The following CUX2 variants were observed in gnomAD, a reference collection of about 807,000 sequenced individuals.
The protein encoded by CUX2 is homeobox protein cut-like 2.
Under a neutral mutation model 144.8 loss-of-function variants are expected in CUX2, and 40 were observed. That is an observed-to-expected ratio of 0.28 (90% CI 0.21 to 0.36). CUX2 has a LOEUF of 0.36. Ranked by LOEUF, CUX2 falls within the 10% of genes least tolerant of loss-of-function variation. The probability of loss-of-function intolerance (pLI) is 1.00; values close to 1 mark genes in which losing one functional copy is unlikely to be tolerated. For missense variants in CUX2, 1,615 were observed against 1,994.0 expected (o/e 0.81, Z 3.62); for synonymous variants, 827 against 875.6 (o/e 0.94, Z 0.98).
intron 3 of CUX2, among the ~76,000 whole-genome samples, chr12:111,260,696 G>A (rs1884073536): frequency 1.3e-5 from 2 of 152,192 alleles, no homozygotes; most frequent in African/African-American, 4.8e-5. Context: ...CCCACTGGAA[G>A]AGATAAATCA....
At chr12:111,163,304 A>G (rs1387514329) in intron 1 of CUX2, among the ~76,000 whole-genome samples, 1 of 152,248 alleles carries the variant, frequency 6.6e-6, no homozygotes, top group African/African-American at 2.4e-5. Context: ...ATGGCCAGAC[A>G]GTAAATATTT....
In CUX2 at chr12:111,061,832, C is replaced by G. The variant is rs959544216; in HGVS notation, c.63+27592C>G. On this transcript the variant is annotated intron_variant, in intron 1 of 21. Transcript: ENST00000261726. The surrounding 1 kb of genome is among the most constrained non-coding windows in gnomAD (Gnocchi z 4.2). ...TTTATGTACTTGGCCTTGTTCTCAG[C>G]AGGCAGGGATGTGGGGGGCGCCTCG... 7.9e-5 allele frequency among the ~76,000 whole-genome samples: 12 copies of G among 152,172 alleles called. No homozygotes were observed. The highest frequency in any genetic ancestry group is 2.4e-4 in the African/African-American group (10 of 41,442).
chr12:111,215,949 A>G (rs971022501), intron 2 of CUX2, among the ~76,000 whole-genome samples: 1 of 152,232 alleles, frequency 6.6e-6, no homozygotes, highest in African/African-American at 2.4e-5. Flanking sequence ...ATAAGTTTCC[A>G]TTCCTATTAT....
rs780108971 is a variant in CUX2 at position 111,348,319 on chromosome 12, G to A, written c.4455G>A (p.Glu1485=). 3.7e-6 allele frequency: 6 copies of A among 1,609,006 alleles called. No individual in the cohort carries two copies. The highest frequency in any genetic ancestry group is 3.3e-5 in the South Asian group (3 of 90,804). Residue 1485 remains glutamate (E), a synonymous_variant, in exon 22 of 22, where the codon GAG becomes GAA. Coordinates refer to ENST00000261726, the MANE Select transcript of CUX2 (RefSeq NM_015267.4). ...AANREEALEW[E]F is the part of the protein sequence containing the mutation. Reference sequence around the variant, plus strand: ...ATCGGGAGGAGGCCCTGGAGTGGGAGTTCTGAAGGCAGGGTGAGGGGGCAA... The same window carrying A: ...ATCGGGAGGAGGCCCTGGAGTGGGAATTCTGAAGGCAGGGTGAGGGGGCAA...
At position 111,307,308 on chromosome 12, in the gene CUX2, G is replaced by A. The variant is rs766000347; in HGVS notation, c.1109+51G>A. On this transcript the variant is annotated intron_variant, in intron 12 of 21. Transcript: ENST00000261726. The surrounding 1 kb of genome is among the most constrained non-coding windows in gnomAD (Gnocchi z 4.1). ...GACCCTCAGTGCTCTTCCCTGGCCA[G>A]GAGCTCTTGGCAAAGTTCATCATCT... 48 of 1,549,298 alleles carry A rather than the reference G, an allele frequency of 3.1e-5. 1 individual carries two copies. The highest frequency in any genetic ancestry group is 2.6e-5 in the Non-Finnish European group (29 of 1,128,140).
intron 4 of CUX2, among the ~76,000 whole-genome samples, chr12:111,282,209 C>G (rs1885147178): frequency 6.6e-6 from 1 of 151,688 alleles, no homozygotes; most frequent in African/African-American, 2.4e-5. Context: ...GTAGCCCCAG[C>G]TACTTGGGAG....
chr12:111,099,877 C>A, intron 1 of CUX2: 1 of 439,702 alleles, frequency 2.3e-6, no homozygotes, highest in Non-Finnish European at 4.6e-6. Flanking sequence ...AATCGAGAGC[C>A]AAAGAGGTAA....
At chr12:111,228,468 G>A (rs1026171270) in intron 3 of CUX2, among the ~76,000 whole-genome samples, 2 of 152,130 alleles carry the variant, frequency 1.3e-5, no homozygotes, top group East Asian at 1.9e-4. Flanking sequence ...CTGTCTCCCA[G>A]GTTGGAGTGC....
At chr12:111,326,624 C>G (rs1887834279) in intron 18 of CUX2, among the ~76,000 whole-genome samples, 1 of 151,992 alleles carries the variant, frequency 6.6e-6, no homozygotes, top group South Asian at 2.1e-4. Flanking sequence ...CACATAACAG[C>G]TGGGCACCGT....
intron 1 of CUX2, among the ~76,000 whole-genome samples, chr12:111,193,201 G>A (rs1010882553): frequency 3.3e-5 from 5 of 152,260 alleles, no homozygotes; most frequent in Non-Finnish European, 4.4e-5. Flanking sequence ...CAGGAGAGAG[G>A]GAGACGTGGA....
chr12:111,095,184 C>T (rs1362762137), intron 1 of CUX2, among the ~76,000 whole-genome samples: 1 of 152,108 alleles, frequency 6.6e-6, no homozygotes, highest in Non-Finnish European at 1.5e-5. Context: ...GGTGGCCAGG[C>T]GCAGTGGCTC....
rs1375583704 is a variant in CUX2 at position 111,259,069 on chromosome 12, GTGTT to G, written c.223-4688_223-4685del. Among the ~76,000 whole-genome samples, 17 of 147,892 alleles carry G rather than the reference GTGTT, an allele frequency of 1.1e-4. No individual in the cohort carries two copies. The South Asian group carries it at 1.6e-3, about 13-fold the overall frequency. On this transcript the variant is annotated intron_variant, in intron 3 of 21. Transcript: ENST00000261726. ...TGTGTGTGTGTGTGTGTGTGTGTGT[GTGTT>G]TGTGTGTGTGTGTGGAGATAGGGTC...
intron 1 of CUX2, among the ~76,000 whole-genome samples, chr12:111,069,358 C>T (rs1394451467): frequency 6.6e-6 from 1 of 152,016 alleles, no homozygotes; most frequent in African/African-American, 2.4e-5. Flanking sequence ...GTATTTTCTC[C>T]CTCTTCCGTG....
At chr12:111,221,007 G>A (rs374308990) in intron 3 of CUX2, among the ~76,000 whole-genome samples, 1 of 151,600 alleles carries the variant, frequency 6.6e-6, no homozygotes, top group East Asian at 1.9e-4. Flanking sequence ...CAGTCCCAGG[G>A]TCTGGCACAC....
In CUX2 at chr12:111,320,154, G is replaced by T; in HGVS notation, c.2145G>T (p.Glu715Asp). The change falls in exon 17 of 22, where the codon GAG (glutamate) becomes GAT (aspartate). Residue 715 changes from glutamate to aspartate, a missense_variant. Around this residue, in one of 12 missense-constraint regions of CUX2, gnomAD observed 390 missense variants for 387.1 expected, o/e 1.01. Transcript: ENST00000261726. The surrounding 1 kb of genome is among the most constrained non-coding windows in gnomAD (Gnocchi z 8.1). ...QAQQQALLEM[E>D]VAPRGRSVPP... is the part of the protein sequence containing the mutation. ...AACAGCAGGCGCTGCTGGAGATGGAGGTGGCGCCCAGGGGCCGCTCGGTGC... is the reference window on the plus strand; with the variant it reads ...AACAGCAGGCGCTGCTGGAGATGGATGTGGCGCCCAGGGGCCGCTCGGTGC... 1 of 1,547,624 alleles carries T rather than the reference G, an allele frequency of 6.5e-7. No individual in the cohort carries two copies. Among genetic ancestry groups the T allele is most frequent in the East Asian group, 2.4e-5 (1 of 42,098 alleles).
chr12:111,310,919 G>A lies in CUX2; in HGVS notation c.1900+237G>A, dbSNP rs896778880. 4.6e-5 allele frequency among the ~76,000 whole-genome samples: 7 copies of A among 152,264 alleles called. No individual in the cohort carries two copies. Among genetic ancestry groups the A allele is most frequent in the African/African-American group, 1.7e-4 (7 of 41,470 alleles). Reference sequence around the variant, plus strand: ...GCCAGAGACAGTCTGCCCTTCCTGGGGCACTCAGGGTAAGGGTGGCGGGAA... The same window carrying A: ...GCCAGAGACAGTCTGCCCTTCCTGGAGCACTCAGGGTAAGGGTGGCGGGAA... On this transcript the variant is annotated intron_variant, in intron 15 of 21. Coordinates refer to ENST00000261726, the MANE Select transcript of CUX2 (RefSeq NM_015267.4). The surrounding 1 kb of genome is among the most constrained non-coding windows in gnomAD (Gnocchi z 7.9).
rs983688684 is a variant in CUX2, at chr12:111,190,688, C to T, written c.64-23512C>T. On this transcript the variant is annotated intron_variant, in intron 1 of 21. Transcript: ENST00000261726. The surrounding 1 kb of genome is among the most constrained non-coding windows in gnomAD (Gnocchi z 4.0). ...ACCTGAAGGTGGTTGGTCCCAGATGCGAGGAGCAAAGGCAAAAGAGAGGCA... is the reference window on the plus strand; with the variant it reads ...ACCTGAAGGTGGTTGGTCCCAGATGTGAGGAGCAAAGGCAAAAGAGAGGCA... Among the ~76,000 whole-genome samples, 2 of 152,158 alleles carry T rather than the reference C, an allele frequency of 1.3e-5. No homozygotes were observed. The highest frequency in any genetic ancestry group is 2.9e-5 in the Non-Finnish European group (2 of 68,030).
intron 1 of CUX2, among the ~76,000 whole-genome samples, chr12:111,145,998 C>A (rs566302537): frequency 1.3e-5 from 2 of 152,324 alleles, no homozygotes; most frequent in Non-Finnish European, 2.9e-5. Context: ...AGCCACCACA[C>A]CCGGCCCTGG....
intron 13 of CUX2, 35 bp from the exon 14 acceptor site, chr12:111,308,392 C>T: frequency 6.2e-7 from 1 of 1,613,908 alleles, no homozygotes; most frequent in South Asian, 1.1e-5. Flanking sequence ...CTTCCGCCCA[C>T]CAGGTGCCCT....
Sources: gnomAD v4.1 joint callset for allele counts (sites outside exome capture counted in the v4.1 genomes callset) on GRCh38, gnomAD v4.1.1 for gene constraint, gnomAD v4.1.1 regional missense constraint, Gnocchi (gnomAD v3.1) non-coding constraint, MANE v1.5 for transcripts, NCBI Gene and HGNC (gene_info 2026-07-23, HGNC 2026-07-21) for gene names.